TCERG1: variants seen among roughly 807,000 people sequenced by gnomAD.
TCERG1 encodes transcription elongation regulator 1.
In TCERG1, 37 loss-of-function variants were observed where a neutral mutation model predicts 144.7. The observed-to-expected ratio is 0.26, with a 90% CI of 0.20 to 0.34. TCERG1 has a LOEUF of 0.34. Among genes scored for constraint, TCERG1 ranks in the 10% least tolerant of loss-of-function variants. The pLI is 1.00. For synonymous variants in TCERG1, 492 were observed against 458.2 expected (o/e 1.07, Z -0.94); for missense variants, 1,027 against 1,380.7 (o/e 0.74, Z 4.06).
intron 6 of TCERG1, 109 bp downstream of exon 6, chr5:146,468,512 T>A (rs1199728759): frequency 2.0e-6 from 2 of 1,005,876 alleles, no homozygotes; most frequent in Non-Finnish European, 2.9e-6. Context: ...GATATTTTTA[T>A]ATTTTTCTTT....
chr5:146,496,846 G>A (rs1766949944), intron 16 of TCERG1, among the ~76,000 whole-genome samples: 1 of 133,248 alleles, frequency 7.5e-6, no homozygotes, highest in African/African-American at 2.8e-5. Context: ...TAAATTTTTT[G>A]TAGGGACAGA....
chr5:146,493,091 T>C, intron 16 of TCERG1, 53 bp downstream of exon 16: 2 of 1,266,324 alleles, frequency 1.6e-6, no homozygotes, highest in Non-Finnish European at 1.1e-6. Flanking sequence ...TCTCCTAAGA[T>C]CAGTTTTTAA....
chr5:146,448,009 C>T (rs928650791), intron 1 of TCERG1, among the ~76,000 whole-genome samples: 3 of 152,188 alleles, frequency 2.0e-5, no homozygotes, highest in African/African-American at 7.2e-5. Flanking sequence ...CAGTAGCAAC[C>T]CCTTATTAGG....
chr5:146,482,070 A>C (rs1372876005), intron 13 of TCERG1: 1 of 152,168 alleles, frequency 6.6e-6, no homozygotes, highest in Non-Finnish European at 1.5e-5. Context: ...AAGATTGCAG[A>C]TATTTTAGTT....
intron 19 of TCERG1, among the ~76,000 whole-genome samples, chr5:146,505,912 G>A (rs1767949184): frequency 6.6e-6 from 1 of 152,108 alleles, no homozygotes; most frequent in South Asian, 2.1e-4. Flanking sequence ...GAGTAGCTGG[G>A]ACTACAGGCA....
chr5:146,509,294 C>T (rs750006077), intron 22 of TCERG1, 49 bp downstream of exon 22: 2 of 1,234,790 alleles, frequency 1.6e-6, no homozygotes, highest in Admixed American at 1.9e-5. Flanking sequence ...CTTTACTAGT[C>T]TTTACTCTAA....
rs199568384 is a variant in TCERG1, at chr5:146,510,507, C to T, written c.3213C>T (p.Asp1071=). 6 of 1,613,906 alleles carry T rather than the reference C, an allele frequency of 3.7e-6. 1 individual carries two copies. The highest frequency in any genetic ancestry group is 2.2e-5 in the East Asian group (1 of 44,878). The change falls in exon 23 of 23, where the codon GAC becomes GAT. Residue 1071 remains aspartate (D), a synonymous_variant. Coordinates refer to ENST00000679501, the MANE Select transcript of TCERG1 (RefSeq NM_001382548.1). ...LKDVEKILQN[D]KRYLVLDCVP... ...ATGTAGAAAAAATTTTACAGAATGA[C>T]AAACGGTATCTAGTACTGGACTGTG...
At chr5:146,496,215 A>G (rs1766888183) in intron 16 of TCERG1, among the ~76,000 whole-genome samples, 1 of 152,240 alleles carries the variant, frequency 6.6e-6, no homozygotes, top group African/African-American at 2.4e-5. Context: ...TAGGCTCATT[A>G]GCCCTCATAA....
chr5:146,466,325 G>T (rs1453594817), intron 5 of TCERG1, among the ~76,000 whole-genome samples: 2 of 152,100 alleles, frequency 1.3e-5, no homozygotes, highest in Non-Finnish European at 2.9e-5. Flanking sequence ...TATTGTATGG[G>T]TCTAATGAGG....
intron 16 of TCERG1, among the ~76,000 whole-genome samples, chr5:146,496,799 A>C (rs533152155): frequency 1.3e-5 from 2 of 150,340 alleles, no homozygotes; most frequent in South Asian, 4.2e-4. Flanking sequence ...TGAGTAGCTG[A>C]GAATATATGC....
intron 2 of TCERG1, among the ~76,000 whole-genome samples, chr5:146,456,604 C>T (rs923878917): frequency 5.3e-5 from 8 of 152,154 alleles, no homozygotes; most frequent in African/African-American, 1.9e-4. Context: ...ATGGGAAAGA[C>T]ATTTTTAGGA....
At chr5:146,451,512 G>C (rs1306998346) in intron 1 of TCERG1, among the ~76,000 whole-genome samples, 1 of 151,506 alleles carries the variant, frequency 6.6e-6, no homozygotes, top group Non-Finnish European at 1.5e-5. Context: ...TAGTAGAGTG[G>C]GGGTTTCACT....
intron 5 of TCERG1, among the ~76,000 whole-genome samples, chr5:146,465,641 A>G (rs753942484): frequency 6.6e-6 from 1 of 152,208 alleles, no homozygotes; most frequent in African/African-American, 2.4e-5. Flanking sequence ...AAGTCATTCA[A>G]TAAACAGTAG....
intron 1 of TCERG1, among the ~76,000 whole-genome samples, chr5:146,449,622 A>G (rs1244293862): frequency 6.6e-6 from 1 of 152,236 alleles, no homozygotes; most frequent in African/African-American, 2.4e-5. Flanking sequence ...ATATCTGGAT[A>G]GAGAACTTCT....
intron 16 of TCERG1, among the ~76,000 whole-genome samples, chr5:146,496,978 T>C (rs180939513): frequency 6.6e-6 from 1 of 150,588 alleles, no homozygotes; most frequent in Non-Finnish European, 1.5e-5. Context: ...GGTTTTTCTC[T>C]TGCCTCAGCC....
At chr5:146,470,036 C>G (rs1396296064) in intron 7 of TCERG1, among the ~76,000 whole-genome samples, 1 of 151,928 alleles carries the variant, frequency 6.6e-6, no homozygotes, top group Non-Finnish European at 1.5e-5. Flanking sequence ...TTATTGTAAT[C>G]ATCATTGAGA....
At chr5:146,454,469 A>C (rs1762646996) in intron 1 of TCERG1, among the ~76,000 whole-genome samples, 1 of 150,650 alleles carries the variant, frequency 6.6e-6, no homozygotes, top group Non-Finnish European at 1.5e-5. Flanking sequence ...GCATGTGGGT[A>C]AATACTTTAA....
At position 146,471,503 on chromosome 5, in the gene TCERG1, G is replaced by A. The variant is rs759731117; in HGVS notation, c.1528G>A (p.Glu510Lys). Residue 510 changes from glutamate (E) to lysine (K), a missense_variant, in exon 9 of 23, where the codon GAG becomes AAG. By Grantham distance (56) the Glu-to-Lys change is moderately conservative. Transcript: ENST00000679501. ...KEIKEEPKEE[E>K]MTEEEKAAQK... is the part of the protein sequence containing the mutation. ...TTTCTTGTAGGAGCCCAAAGAAGAGGAGATGACTGAAGAAGAAAAGGCTGC... is the reference window on the plus strand; with the variant it reads ...TTTCTTGTAGGAGCCCAAAGAAGAGAAGATGACTGAAGAAGAAAAGGCTGC... 6.2e-7 allele frequency: 1 copy of A among 1,613,506 alleles called. No homozygotes were observed. The highest frequency in any genetic ancestry group is 1.1e-5 in the South Asian group (1 of 90,952).
rs761578444 is a variant in TCERG1 at position 146,457,284 on chromosome 5, A to G, written c.387A>G (p.Ala129=). Residue 129 remains alanine, a synonymous_variant, in exon 3 of 23, where the codon GCA becomes GCG. Coordinates refer to ENST00000679501, the MANE Select transcript of TCERG1 (RefSeq NM_001382548.1). ...CTGTGACTGCTCCTGGTACTCCAGCACTACCTCCTACGGAGGAGATATGGG... is the reference window on the plus strand; with the variant it reads ...CTGTGACTGCTCCTGGTACTCCAGCGCTACCTCCTACGGAGGAGATATGGG... The part of the protein sequence containing the change: ...MPPVTAPGTP[A]LPPTEEIWVE... 6.2e-6 allele frequency: 10 copies of G among 1,613,828 alleles called. No homozygotes were observed. Among genetic ancestry groups the G allele is most frequent in the Middle Eastern group, 1.6e-4 (1 of 6,082 alleles).
Sources: gnomAD v4.1 joint callset for allele counts (sites outside exome capture counted in the v4.1 genomes callset) on GRCh38, gnomAD v4.1.1 for gene constraint, MANE v1.5 for transcripts, NCBI Gene and HGNC (gene_info 2026-07-23, HGNC 2026-07-21) for gene names.